The following DCDC2 variants were observed in gnomAD, a reference collection of about 807,000 sequenced individuals.
DCDC2 encodes the protein doublecortin domain containing 2.
DCDC2 carries 40 observed loss-of-function variants against 50.2 expected under a neutral mutation model. The observed-to-expected ratio is 0.80, with a 90% CI of 0.62 to 1.04. The LOEUF (loss-of-function observed/expected upper bound fraction) is 1.04, where lower values mean the gene tolerates loss of function less well. DCDC2 is among the 50% of genes least tolerant of loss of function. DCDC2 has a pLI of 0.00. For missense variants in DCDC2, 570 were observed against 581.9 expected (o/e 0.98, Z 0.21); for synonymous variants, 234 against 210.6 (o/e 1.11, Z -0.96).
At chr6:24,339,335 G>T (rs574369902) in intron 2 of DCDC2, among the ~76,000 whole-genome samples, 1 of 152,084 alleles carries the variant, frequency 6.6e-6, no homozygotes, top group Non-Finnish European at 1.5e-5. Flanking sequence ...GATAGCTTGC[G>T]TACGGCCCCA....
intron 9 of DCDC2, among the ~76,000 whole-genome samples, chr6:24,175,404 G>A (rs533938204): frequency 3.4e-4 from 51 of 152,102 alleles, no homozygotes; most frequent in Admixed American, 1.1e-3. Flanking sequence ...ACCTTTCCCC[G>A]ACTACACTGA....
intron 2 of DCDC2, among the ~76,000 whole-genome samples, chr6:24,309,845 G>C (rs1702666308): frequency 6.6e-6 from 1 of 152,100 alleles, no homozygotes; most frequent in African/African-American, 2.4e-5. Flanking sequence ...AAAGACGTGA[G>C]TAGGCCAGGT....
chr6:24,248,272 G>A (rs554652133), intron 7 of DCDC2, among the ~76,000 whole-genome samples: 2 of 152,048 alleles, frequency 1.3e-5, no homozygotes, highest in East Asian at 1.9e-4. Flanking sequence ...GACACCATAC[G>A]GTGCAGTGCG....
At chr6:24,381,463 G>GT in the DCDC2 span, among the ~76,000 whole-genome samples, 2 of 152,154 alleles carry the variant, frequency 1.3e-5, no homozygotes, top group South Asian at 2.1e-4. Context: ...ACAGAGATTG[G>GT]TTTTTTAAAT....
At chr6:24,267,949 A>G (rs1392672785) in intron 7 of DCDC2, among the ~76,000 whole-genome samples, 1 of 152,188 alleles carries the variant, frequency 6.6e-6, no homozygotes, top group Non-Finnish European at 1.5e-5. Context: ...TGATCAGGTA[A>G]TGTGTGGAAG....
intron 7 of DCDC2, among the ~76,000 whole-genome samples, chr6:24,220,405 C>A (rs1483117289): frequency 6.6e-6 from 1 of 152,020 alleles, no homozygotes; most frequent in Non-Finnish European, 1.5e-5. Context: ...AAAAACAAAT[C>A]CATGACAGGT....
chr6:24,304,657 T>G (rs1478871452), intron 2 of DCDC2, among the ~76,000 whole-genome samples: 1 of 152,206 alleles, frequency 6.6e-6, no homozygotes, highest in Non-Finnish European at 1.5e-5. Flanking sequence ...TACATACACA[T>G]GCATATTATC....
At chr6:24,237,234 G>A (rs1013019949) in intron 7 of DCDC2, among the ~76,000 whole-genome samples, 3 of 150,704 alleles carry the variant, frequency 2.0e-5, no homozygotes, top group Non-Finnish European at 4.4e-5. Flanking sequence ...TGGAAGGAGG[G>A]ACAGAATCAG....
chr6:24,288,301 A>C (rs1287786380), intron 6 of DCDC2, among the ~76,000 whole-genome samples: 1 of 152,222 alleles, frequency 6.6e-6, no homozygotes, highest in East Asian at 1.9e-4. Context: ...CAGACTGAAA[A>C]CACAAGAAGG....
chr6:24,278,025 T>C (rs1405538293), intron 7 of DCDC2, 24 bp downstream of exon 7: 16 of 1,572,704 alleles, frequency 1.0e-5, no homozygotes, highest in Non-Finnish European at 1.2e-5. Flanking sequence ...TATCACAGCC[T>C]TAAGATAATA....
At position 24,344,465 on chromosome 6, in the gene DCDC2, A is replaced by G. The variant is rs146642230; in HGVS notation, c.348+9104T>C. 3.4e-3 allele frequency among the ~76,000 whole-genome samples: 522 copies of G among 152,356 alleles called. 1 individual carries two copies. Among genetic ancestry groups the G allele is most frequent in the African/African-American group, 0.012 (504 of 41,578 alleles). ...AAAAACTATACATGCTCTAATATGC[A>G]TATCTGCTAATTTCACAGTTATTAA... On this transcript the variant is annotated intron_variant, in intron 2 of 9. Coordinates refer to ENST00000378454, the MANE Select transcript of DCDC2 (RefSeq NM_016356.5).
At chr6:24,278,266 T>A in intron 6 of DCDC2, 55 bp from the exon 7 acceptor site, 1 of 1,497,484 alleles carries the variant, frequency 6.7e-7, no homozygotes, top group Middle Eastern at 1.8e-4. Flanking sequence ...TCAAAAACAT[T>A]CCCAGTAAAT....
At chr6:24,358,712 T>C (rs140906962), upstream of DCDC2, among the ~76,000 whole-genome samples, 10,447 of 86,254 alleles carry the variant, frequency 0.12, 974 homozygotes, top group East Asian at 0.44. Context: ...TTTTTATATA[T>C]ATATTTTATA....
At position 24,205,117 on chromosome 6, in the gene DCDC2, A is replaced by G; in HGVS notation, c.923-15T>C. 3 of 1,614,138 alleles carry G rather than the reference A, an allele frequency of 1.9e-6. No homozygotes were observed. Among genetic ancestry groups the G allele is most frequent in the Non-Finnish European group, 2.5e-6 (3 of 1,179,988 alleles). On this transcript the variant is annotated splice_polypyrimidine_tract_variant and intron_variant, in intron 7 of 9. Transcript: ENST00000378454. ...AATGCCTTCATCTATTGAGACAAAC[A>G]CACAGTGAAAATCAAAATCCAATTG...
the DCDC2 span, among the ~76,000 whole-genome samples, chr6:24,371,433 G>A: frequency 1.3e-5 from 2 of 152,052 alleles, no homozygotes; most frequent in Admixed American, 6.6e-5. Flanking sequence ...GTGAAACCCT[G>A]TCTCTACAAA....
rs1040476311 is a variant in DCDC2, at chr6:24,179,697, G to A, written c.1024-1065C>T. Among the ~76,000 whole-genome samples the A allele has an allele frequency of 1.4e-4, 20 of 146,388 alleles. 1 individual carries two copies. Among genetic ancestry groups the A allele is most frequent in the African/African-American group, 4.8e-4 (19 of 39,424 alleles). On this transcript the variant is annotated intron_variant, in intron 8 of 9. Transcript: ENST00000378454. ...AGGCCAGGCACGGTGGCTTATGCCTGTAATCCCAGCACTTTGGGAGGCCGA... is the reference window on the plus strand; with the variant it reads ...AGGCCAGGCACGGTGGCTTATGCCTATAATCCCAGCACTTTGGGAGGCCGA...
At chr6:24,276,371 C>T (rs776641893) in intron 7 of DCDC2, among the ~76,000 whole-genome samples, 41 of 149,790 alleles carry the variant, frequency 2.7e-4, no homozygotes, top group Non-Finnish European at 5.6e-4. Context: ...TAACAAGAAC[C>T]TCACAGAAAA....
At chr6:24,273,918 G>A (rs1405920120) in intron 7 of DCDC2, among the ~76,000 whole-genome samples, 2 of 152,140 alleles carry the variant, frequency 1.3e-5, no homozygotes, top group East Asian at 3.9e-4. Context: ...CAGTCATCAG[G>A]AGTCTAAAAA....
intron 2 of DCDC2, among the ~76,000 whole-genome samples, chr6:24,336,933 T>C (rs1419346749): frequency 1.3e-5 from 2 of 152,144 alleles, no homozygotes; most frequent in Non-Finnish European, 2.9e-5. Flanking sequence ...TTTTAAAAGA[T>C]AGTAGTATTA....
Sources: allele counts gnomAD v4.1 joint callset (sites outside exome capture counted in the v4.1 genomes callset), GRCh38; gene constraint gnomAD v4.1.1; transcripts MANE v1.5; gene names NCBI Gene and HGNC (gene_info 2026-07-23, HGNC 2026-07-21).